The following PHACTR1 variants were observed in gnomAD, a reference collection of about 807,000 sequenced individuals.
PHACTR1 encodes the protein RPEL repeat containing 1.
PHACTR1 carries 16 observed loss-of-function variants against 69.2 expected under a neutral mutation model. The ratio of observed to expected loss-of-function variants is 0.23; its 90% CI spans 0.16 to 0.35. The LOEUF (loss-of-function observed/expected upper bound fraction) is 0.35, where lower values mean the gene tolerates loss of function less well. PHACTR1 is among the 10% of genes least tolerant of loss of function. The probability of loss-of-function intolerance (pLI) is 1.00; values close to 1 mark genes in which losing one functional copy is unlikely to be tolerated. For synonymous variants in PHACTR1, 312 were observed against 284.5 expected (o/e 1.10, Z -0.97); for missense variants, 510 against 734.7 (o/e 0.69, Z 3.54).
intron 5 of PHACTR1, among the ~76,000 whole-genome samples, chr6:13,149,929 A>T (rs532194163): frequency 6.6e-6 from 1 of 151,890 alleles, no homozygotes; most frequent in South Asian, 2.1e-4. Flanking sequence ...AAGACAAAGG[A>T]TTGGACATCC....
intron 7 of PHACTR1, among the ~76,000 whole-genome samples, chr6:13,200,130 G>A (rs1765004544): frequency 6.6e-6 from 1 of 152,204 alleles, no homozygotes; most frequent in Non-Finnish European, 1.5e-5. Context: ...CAGTATCCCT[G>A]CCTCAGGCAG....
At chr6:12,967,393 T>C (rs1360985223) in intron 4 of PHACTR1, among the ~76,000 whole-genome samples, 1 of 152,202 alleles carries the variant, frequency 6.6e-6, no homozygotes, top group Non-Finnish European at 1.5e-5. Context: ...AAAAGTAAGC[T>C]TGAATCTTTG....
At chr6:12,751,631 A>G (rs1027391316) in intron 4 of PHACTR1, among the ~76,000 whole-genome samples, 2 of 152,254 alleles carry the variant, frequency 1.3e-5, no homozygotes, top group Non-Finnish European at 2.9e-5. Flanking sequence ...CTTTGTCACC[A>G]GATTAAACCT....
chr6:13,134,878 A>G (rs1561881004), intron 5 of PHACTR1, among the ~76,000 whole-genome samples: 1 of 152,022 alleles, frequency 6.6e-6, no homozygotes, highest in Non-Finnish European at 1.5e-5. Flanking sequence ...GGGGCTGATA[A>G]ACTGAGATAT....
chr6:12,845,575 G>A (rs903328112), intron 4 of PHACTR1, among the ~76,000 whole-genome samples: 1 of 151,976 alleles, frequency 6.6e-6, no homozygotes, highest in African/African-American at 2.4e-5. Context: ...AATGTGCTGA[G>A]ATTATTATCA....
chr6:12,899,175 G>A (rs1784960762), intron 4 of PHACTR1, among the ~76,000 whole-genome samples: 1 of 152,030 alleles, frequency 6.6e-6, no homozygotes, highest in South Asian at 2.1e-4. Context: ...ACTTTAATAG[G>A]GCTGTACCTT....
rs952605687 is a variant in PHACTR1 at position 12,957,533 on chromosome 6, G to C, written c.251-95832G>C. On this transcript the variant is annotated intron_variant, in intron 4 of 14. Transcript: ENST00000332995. ...CGCCAGCTGGGCTTCTAAGGACTGG[G>C]GCTCTGTGAAGGTAAGAGGCAGTCT... The C allele has an allele frequency of 3.0e-6, 3 of 985,402 alleles. No homozygotes were observed. In the African/African-American group the frequency reaches 5.2e-5, roughly 17 times the overall value. The allele number at this position is 985,402 out of a possible 1,614,324, so 61.0% of individuals were successfully genotyped here. A position where few individuals can be genotyped will look rare whatever the true frequency, so the allele number is the denominator to read the frequency against.
intron 8 of PHACTR1, among the ~76,000 whole-genome samples, chr6:13,217,320 C>T (rs1170957711): frequency 6.6e-6 from 1 of 152,186 alleles, no homozygotes; most frequent in Non-Finnish European, 1.5e-5. Context: ...AGCAATGGCC[C>T]AGCTGGGACT....
At chr6:12,796,766 G>A (rs1159572544) in intron 4 of PHACTR1, among the ~76,000 whole-genome samples, 1 of 152,168 alleles carries the variant, frequency 6.6e-6, no homozygotes, top group Non-Finnish European at 1.5e-5. Flanking sequence ...CAATGAATAA[G>A]CAGATACACA....
At chr6:13,075,617 AAG>A (rs1432692924) in intron 5 of PHACTR1, among the ~76,000 whole-genome samples, 1 of 152,146 alleles carries the variant, frequency 6.6e-6, no homozygotes, top group Non-Finnish European at 1.5e-5. Flanking sequence ...CCAATACATA[AAG>A]GCCACAGGTG....
At chr6:12,784,688 G>GTA (rs1771312359) in intron 4 of PHACTR1, among the ~76,000 whole-genome samples, 3 of 151,212 alleles carry the variant, frequency 2.0e-5, no homozygotes, top group Admixed American at 6.6e-5. Context: ...ATCCACACGT[G>GTA]TATATATATG....
intron 4 of PHACTR1, among the ~76,000 whole-genome samples, chr6:13,011,782 G>A (rs1799478748): frequency 6.6e-6 from 1 of 152,186 alleles, no homozygotes; most frequent in Non-Finnish European, 1.5e-5. Context: ...CCTCTTTTCA[G>A]AAGGGAGTTA....
intron 4 of PHACTR1, among the ~76,000 whole-genome samples, chr6:12,932,664 C>T (rs1376571680): frequency 1.3e-5 from 2 of 152,104 alleles, no homozygotes; most frequent in East Asian, 1.9e-4. Flanking sequence ...CAATTCTGAC[C>T]CCTTAAACAA....
At chr6:12,931,937 A>G (rs998156317) in intron 4 of PHACTR1, among the ~76,000 whole-genome samples, 5 of 151,858 alleles carry the variant, frequency 3.3e-5, no homozygotes, top group South Asian at 4.2e-4. Flanking sequence ...CTCTTCCTCT[A>G]TAGACCGGTG....
intron 5 of PHACTR1, among the ~76,000 whole-genome samples, chr6:13,155,599 A>G (rs1206739994): frequency 6.6e-6 from 1 of 152,074 alleles, no homozygotes; most frequent in Non-Finnish European, 1.5e-5. Context: ...TAAGAAGAGA[A>G]GAGTTCCTGG....
chr6:13,147,649 A>T (rs1306612049), intron 5 of PHACTR1, among the ~76,000 whole-genome samples: 1 of 152,222 alleles, frequency 6.6e-6, no homozygotes, highest in Non-Finnish European at 1.5e-5. Context: ...TTATTGCCTT[A>T]TAACCACCCT....
chr6:13,053,454 G>A lies in PHACTR1; in HGVS notation c.340G>A (p.Ala114Thr), dbSNP rs1806295837. The change falls in exon 5 of 15, where the codon GCC (alanine) becomes ACC (threonine). Residue 114 changes from alanine (A) to threonine (T), a missense_variant. This residue lies in a region of PHACTR1 where 419 missense variants were observed against 530.9 expected (regional missense o/e 0.79). Coordinates refer to ENST00000332995, the MANE Select transcript of PHACTR1 (RefSeq NM_030948.6). ...ACCCATCCGCAGGAGAAGTAAGTTT[G>A]CCAACCTGGGAAGGATTTTCAAGCC... ...TPPIRRRSKFANLGRIFKPWK... is the reference protein window; with the variant it reads ...TPPIRRRSKFTNLGRIFKPWK... 1 of 1,613,802 alleles carries A rather than the reference G, an allele frequency of 6.2e-7. No individual in the cohort carries two copies. The highest frequency in any genetic ancestry group is 8.5e-7 in the Non-Finnish European group (1 of 1,179,864).
At chr6:12,983,222 T>C (rs1795731455) in intron 4 of PHACTR1, among the ~76,000 whole-genome samples, 1 of 152,180 alleles carries the variant, frequency 6.6e-6, no homozygotes, top group African/African-American at 2.4e-5. Context: ...CTCAAAAAGA[T>C]TATGAACAAG....
chr6:13,129,925 T>C (rs1820146230), intron 5 of PHACTR1, among the ~76,000 whole-genome samples: 1 of 151,974 alleles, frequency 6.6e-6, no homozygotes, highest in Non-Finnish European at 1.5e-5. Context: ...TCTCAATAAA[T>C]TTAAGAAAAT....
Sources: allele counts gnomAD v4.1 joint callset (sites outside exome capture counted in the v4.1 genomes callset), GRCh38; gene constraint gnomAD v4.1.1; regional missense constraint gnomAD v4.1.1; transcripts MANE v1.5; gene names NCBI Gene and HGNC (gene_info 2026-07-23, HGNC 2026-07-21).